The following LAMA1 variants were observed in gnomAD, a reference collection of about 807,000 sequenced individuals.
The protein encoded by LAMA1 is laminin subunit alpha-1.
In LAMA1, 219 loss-of-function variants were observed where a neutral mutation model predicts 348.7. The observed-to-expected ratio is 0.63, with a 90% CI of 0.56 to 0.70. The LOEUF (loss-of-function observed/expected upper bound fraction) is 0.70. LAMA1 is among the 30% of genes least tolerant of loss of function. LAMA1 has a pLI of 0.00. For missense variants in LAMA1, 3,744 were observed against 3,888.0 expected (o/e 0.96, Z 0.99); for synonymous variants, 1,487 against 1,491.0 (o/e 1.00, Z 0.06).
In LAMA1 at chr18:6,943,166, G is replaced by A. The variant is rs1227927161; in HGVS notation, c.9067+14C>T. ...GTGCCCCTTTTGAGTGGAAGAGCAG[G>A]TACCCGTACATACCAGGATAGCCAC... On this transcript the variant is annotated intron_variant, in intron 62 of 62. Transcript: ENST00000389658. 6.2e-7 allele frequency: 1 copy of A among 1,609,050 alleles called. No individual in the cohort carries two copies. The highest frequency in any genetic ancestry group is 2.2e-5 in the East Asian group (1 of 44,848).
Position 6,943,485 on chromosome 18 carries a change from C to G in LAMA1, c.8845-83G>C, listed in dbSNP as rs979554889. On this transcript the variant is annotated intron_variant, in intron 61 of 62. Coordinates refer to ENST00000389658, the MANE Select transcript of LAMA1 (RefSeq NM_005559.4). Reference sequence around the variant, plus strand: ...TAAGCTCTTGGAGTAGATAAAATTGCAGCATTATGTTTAAAAGGAGAGCTA... The same window carrying G: ...TAAGCTCTTGGAGTAGATAAAATTGGAGCATTATGTTTAAAAGGAGAGCTA... 1.3e-5 allele frequency: 15 copies of G among 1,126,176 alleles called. No homozygotes were observed. The African/African-American group carries it at 2.1e-4, about 16-fold the overall frequency. 69.8% of individuals were successfully genotyped at this position (1,126,176 alleles called of 1,614,324 possible).
Position 7,044,740 on chromosome 18 carries a change from AGGACAC to A in LAMA1, c.952_957del (p.Val318_Ser319del), listed in dbSNP as rs2058035012. 6.2e-7 allele frequency: 1 copy of A among 1,613,966 alleles called. No individual in the cohort carries two copies. The highest frequency in any genetic ancestry group is 8.5e-7 in the Non-Finnish European group (1 of 1,179,928). ...TACTGACCTTCACATGTATTGCCGG[AGGACAC>A]GGTTCCCGGCCTCCAGGGCTGCTGA... is the stretch of plus-strand genomic sequence containing the variant. On this transcript the variant is annotated inframe_deletion, in exon 7 of 63. Coordinates refer to ENST00000389658, the MANE Select transcript of LAMA1 (RefSeq NM_005559.4).
rs754460215 is a variant in LAMA1 at position 6,971,842 on chromosome 18, G to A, written c.6899+15C>T. On this transcript the variant is annotated intron_variant, in intron 48 of 62. Transcript: ENST00000389658. ...AGAATAACATACTATGTGCTAAACC[G>A]TGACGACATCTTACCTTCCGAAGCA... 1.8e-5 allele frequency: 29 copies of A among 1,613,878 alleles called. No individual in the cohort carries two copies. The South Asian group carries it at 2.1e-4, about 12-fold the overall frequency.
At chr18:7,075,313 G>C (rs2058162956) in intron 3 of LAMA1, among the ~76,000 whole-genome samples, 2 of 152,174 alleles carry the variant, frequency 1.3e-5, no homozygotes, top group Non-Finnish European at 2.9e-5. Flanking sequence ...GGGGGGGGAA[G>C]TTAAAAAAAA....
chr18:7,051,223 A>G (rs543137902), intron 3 of LAMA1, among the ~76,000 whole-genome samples: 20 of 152,042 alleles, frequency 1.3e-4, no homozygotes, highest in Non-Finnish European at 2.4e-4. Flanking sequence ...GGTAGATCTT[A>G]AGTATGCTCA....
intron 3 of LAMA1, among the ~76,000 whole-genome samples, chr18:7,059,421 G>T (rs992572210): frequency 1.3e-5 from 2 of 152,110 alleles, no homozygotes; most frequent in African/African-American, 4.8e-5. Flanking sequence ...AGTAGCCTTT[G>T]TTAATGATCA....
chr18:7,038,414 G>A (rs2058005152), intron 11 of LAMA1, among the ~76,000 whole-genome samples: 1 of 152,172 alleles, frequency 6.6e-6, no homozygotes, highest in Admixed American at 6.5e-5. Context: ...CCTCGCCACT[G>A]GAGGGCCTCC....
At position 7,040,701 on chromosome 18, in the gene LAMA1, T is replaced by C. The variant is rs183109713; in HGVS notation, c.1262-465A>G. Among the ~76,000 whole-genome samples, 306 of 152,316 alleles carry C rather than the reference T, an allele frequency of 2.0e-3. 5 individuals are homozygous for C. Among genetic ancestry groups the C allele is most frequent in the Non-Finnish European group, 1.3e-3 (90 of 68,024 alleles). ...GAAAACATACACCCACAAAAGTCCC[T>C]AGTAGCATTGTTCATAATGGCCCCA... is the stretch of plus-strand genomic sequence containing the variant. On this transcript the variant is annotated intron_variant, in intron 9 of 62. Coordinates refer to ENST00000389658, the MANE Select transcript of LAMA1 (RefSeq NM_005559.4).
intron 53 of LAMA1, chr18:6,959,982 G>T: frequency 4.5e-6 from 1 of 222,406 alleles, no homozygotes; most frequent in South Asian, 6.6e-5. Flanking sequence ...TTATACACTA[G>T]AAGAATTGGA....
intron 5 of LAMA1, among the ~76,000 whole-genome samples, chr18:7,046,822 G>A (rs888933574): frequency 2.6e-5 from 4 of 152,022 alleles, no homozygotes; most frequent in Admixed American, 2.0e-4. Context: ...AGTTCTCTAT[G>A]TTTTTACATG....
At chr18:7,116,426 G>A (rs1176673535) in intron 1 of LAMA1, among the ~76,000 whole-genome samples, 5 of 152,186 alleles carry the variant, frequency 3.3e-5, no homozygotes, top group Non-Finnish European at 5.9e-5. Context: ...GCTCTGCGCA[G>A]CAGACTCGCA....
intron 57 of LAMA1, among the ~76,000 whole-genome samples, chr18:6,952,386 C>G (rs970863027): frequency 6.6e-6 from 1 of 152,018 alleles, no homozygotes; most frequent in African/African-American, 2.4e-5. Flanking sequence ...GGAAACAGTC[C>G]CTGAGGAAAG....
At chr18:7,097,605 A>G (rs2058267442) in intron 1 of LAMA1, among the ~76,000 whole-genome samples, 1 of 151,826 alleles carries the variant, frequency 6.6e-6, no homozygotes, top group African/African-American at 2.4e-5. Context: ...AAGTTGAATG[A>G]CTTACACTAC....
intron 48 of LAMA1, among the ~76,000 whole-genome samples, chr18:6,968,107 G>C (rs1156263578): frequency 6.6e-6 from 1 of 152,164 alleles, no homozygotes; most frequent in East Asian, 1.9e-4. Flanking sequence ...CTCTGCCTTG[G>C]TAAGGGCCCA....
chr18:7,011,229 A>G (rs1348200266), intron 25 of LAMA1, 71 bp downstream of exon 25: 2 of 1,512,102 alleles, frequency 1.3e-6, no homozygotes, highest in Non-Finnish European at 1.8e-6. Context: ...GGCCCAGACT[A>G]TGGTGATTTT....
chr18:7,098,473 A>G (rs371736787), intron 1 of LAMA1, among the ~76,000 whole-genome samples: 2 of 140,548 alleles, frequency 1.4e-5, no homozygotes, highest in East Asian at 4.4e-4. Context: ...CCCATCGTCT[A>G]AGATGTGGGG....
intron 57 of LAMA1, among the ~76,000 whole-genome samples, chr18:6,953,072 G>A (rs541517891): frequency 6.7e-6 from 1 of 149,128 alleles, no homozygotes; most frequent in South Asian, 2.2e-4. Context: ...CCACGCCATG[G>A]GAGCCATGTC....
chr18:6,976,588 ATATTTATTTATT>A (rs66905104), intron 44 of LAMA1, among the ~76,000 whole-genome samples: 12,286 of 148,264 alleles, frequency 0.083, 969 homozygotes, highest in African/African-American at 0.21. Flanking sequence ...CCTTGGGCTT[ATATTTATTTATT>A]TATTTATTTA....
intron 4 of LAMA1, among the ~76,000 whole-genome samples, chr18:7,049,612 T>G (rs754778364): frequency 6.6e-6 from 1 of 152,196 alleles, no homozygotes; most frequent in Non-Finnish European, 1.5e-5. Flanking sequence ...AATGTCAATT[T>G]TAAGCATGCA....
Sources: gnomAD v4.1 joint callset for allele counts (sites outside exome capture counted in the v4.1 genomes callset) on GRCh38, gnomAD v4.1.1 for gene constraint, MANE v1.5 for transcripts, NCBI Gene and HGNC (gene_info 2026-07-23, HGNC 2026-07-21) for gene names.